Variants in RPS5 observed in about 807,000 individuals in gnomAD.
RPS5 encodes ribosomal protein S5, also known as small ribosomal subunit protein uS7.
RPS5 carries 2 observed loss-of-function variants against 20.9 expected under a neutral mutation model. That is an observed-to-expected ratio of 0.10 (90% CI 0.04 to 0.30). The LOEUF (loss-of-function observed/expected upper bound fraction) is 0.30, where lower values mean the gene tolerates loss of function less well. Ranked by LOEUF, RPS5 falls within the 10% of genes least tolerant of loss-of-function variation. The pLI, the probability that RPS5 is intolerant of heterozygous loss-of-function variation, is 1.00. For missense variants in RPS5, 122 were observed against 287.2 expected (o/e 0.42, Z 4.16); for synonymous variants, 112 against 105.8 (o/e 1.06, Z -0.36).
At chr19:58,389,259 C>CT (rs939781269) in intron 2 of RPS5, among the ~76,000 whole-genome samples, 13 of 151,428 alleles carry the variant, frequency 8.6e-5, no homozygotes, top group Admixed American at 1.3e-4. Context: ...CTTTCCTCCT[C>CT]TTTTTTTTTA....
intron 3 of RPS5, 22 bp from the exon 4 acceptor site, chr19:58,393,337 C>G: frequency 1.2e-6 from 2 of 1,612,072 alleles, no homozygotes; most frequent in Non-Finnish European, 1.7e-6. Context: ...GGATGTCAGG[C>G]TCATATCCCC....
chr19:58,388,962 A>G (rs1568573290), intron 2 of RPS5, among the ~76,000 whole-genome samples: 3 of 152,176 alleles, frequency 2.0e-5, no homozygotes, highest in East Asian at 3.9e-4. Context: ...ACTTTCAGTT[A>G]TATTCCACTG....
intron 2 of RPS5, among the ~76,000 whole-genome samples, chr19:58,391,701 G>A (rs532792750): frequency 1.3e-5 from 2 of 151,366 alleles, no homozygotes; most frequent in East Asian, 2.0e-4. Context: ...TGAGGCGGAC[G>A]GATCACCTGA....
At chr19:58,388,087 C>A in intron 1 of RPS5, 50 bp from the exon 2 acceptor site, 1 of 1,333,554 alleles carries the variant, frequency 7.5e-7, no homozygotes, top group Non-Finnish European at 1.1e-6. Flanking sequence ...CGCCTTTGCT[C>A]CATGCTAGCT....
intron 2 of RPS5, among the ~76,000 whole-genome samples, chr19:58,391,401 C>T (rs1178168496): frequency 7.3e-6 from 1 of 136,632 alleles, no homozygotes; most frequent in East Asian, 2.1e-4. Flanking sequence ...CATTGCACTC[C>T]AGCCTGGCCA....
At chr19:58,388,308 C>T in intron 2 of RPS5, 63 bp downstream of exon 2, 1 of 1,155,400 alleles carries the variant, frequency 8.7e-7, no homozygotes, top group Non-Finnish European at 1.3e-6. Context: ...GGAAGGCACA[C>T]ATCAAACTTG....
At chr19:58,389,377 A>C (rs996675268) in intron 2 of RPS5, among the ~76,000 whole-genome samples, 6 of 151,582 alleles carry the variant, frequency 4.0e-5, no homozygotes, top group Non-Finnish European at 7.4e-5. Context: ...GGCTCAGGGG[A>C]TCTTCCTGTC....
intron 2 of RPS5, among the ~76,000 whole-genome samples, chr19:58,392,731 T>C (rs2052371764): frequency 6.6e-6 from 1 of 152,058 alleles, no homozygotes; most frequent in South Asian, 2.1e-4. Context: ...CTAGTCTCCT[T>C]AGATTCCCAC....
intron 4 of RPS5, 32 bp from the exon 5 acceptor site, chr19:58,394,465 T>C: frequency 6.2e-7 from 1 of 1,600,516 alleles, no homozygotes; most frequent in Non-Finnish European, 8.6e-7. Context: ...CCGCAGTCTG[T>C]CCTTCTAGCC....
At chr19:58,388,008 T>A in intron 1 of RPS5, 129 bp from the exon 2 acceptor site, 1 of 636,980 alleles carries the variant, frequency 1.6e-6, no homozygotes, top group East Asian at 2.8e-5. Context: ...GTTCACGGCC[T>A]TTCTTGGTCC....
chr19:58,388,164 A>T lies in RPS5; in HGVS notation c.27A>T (p.Pro9=). The part of the protein sequence containing the change: MTEWETAA[P]AVAETPDIKL... ...TGACCGAGTGGGAGACAGCAGCACC[A>T]GCGGTGGCAGAGACCCCAGACATCA... Residue 9 remains proline, a synonymous_variant, in exon 2 of 6, where the codon CCA becomes CCT. Coordinates refer to ENST00000196551, the MANE Select transcript of RPS5 (RefSeq NM_001009.4). The T allele has an allele frequency of 6.2e-7, 1 of 1,612,886 alleles. No homozygotes were observed. Among genetic ancestry groups the T allele is most frequent in the South Asian group, 1.1e-5 (1 of 90,914 alleles).
At chr19:58,388,540 G>T (rs1455247862) in intron 2 of RPS5, 4 of 484,996 alleles carry the variant, frequency 8.2e-6, no homozygotes, top group Non-Finnish European at 1.5e-5. Flanking sequence ...TCTTTTGCAT[G>T]TGAATATCCA....
At chr19:58,387,533 G>A (rs1203135926) in intron 1 of RPS5, 194 bp downstream of exon 1, 1 of 152,234 alleles carries the variant, frequency 6.6e-6, no homozygotes, top group African/African-American at 2.4e-5. Context: ...TCCCCATAGC[G>A]GGGCTTGGGG....
At chr19:58,392,280 C>T (rs962861093) in intron 2 of RPS5, among the ~76,000 whole-genome samples, 15 of 151,790 alleles carry the variant, frequency 9.9e-5, no homozygotes, top group African/African-American at 3.4e-4. Flanking sequence ...GCCGAGGTTG[C>T]GCCACTGCAC....
chr19:58,388,074 G>A, intron 1 of RPS5, 63 bp from the exon 2 acceptor site: 2 of 1,135,068 alleles, frequency 1.8e-6, no homozygotes, highest in Non-Finnish European at 2.6e-6. Context: ...TTGGGAATGA[G>A]TGCGCCTTTG....
intron 2 of RPS5, 148 bp from the exon 3 acceptor site, chr19:58,392,828 C>T (rs1378651135): frequency 2.9e-6 from 2 of 685,692 alleles, no homozygotes; most frequent in Admixed American, 5.4e-5. Flanking sequence ...ATGGGGCTTA[C>T]ATCCAAGTCC....
At chr19:58,388,518 A>G (rs1312085617) in intron 2 of RPS5, 7 of 514,806 alleles carry the variant, frequency 1.4e-5, no homozygotes, top group Admixed American at 3.7e-5. Flanking sequence ...AATACATAAC[A>G]TCCAGTGTCA....
chr19:58,388,296 C>T (rs1437425127), intron 2 of RPS5, 51 bp downstream of exon 2: 9 of 1,252,964 alleles, frequency 7.2e-6, no homozygotes, highest in Non-Finnish European at 1.0e-5. Context: ...GACATTATTC[C>T]AGGAAGGCAC....
chr19:58,388,213 G>A lies in RPS5; in HGVS notation c.76G>A (p.Asp26Asn). The A allele has an allele frequency of 1.9e-6, 3 of 1,612,778 alleles. No homozygotes were observed. Among genetic ancestry groups the A allele is most frequent in the Non-Finnish European group, 2.5e-6 (3 of 1,179,518 alleles). The change falls in exon 2 of 6, where the codon GAT (aspartate) becomes AAT (asparagine). Residue 26 changes from aspartate (D) to asparagine (N), a missense_variant. Transcript: ENST00000196551. ...CAAGCTCTTTGGGAAGTGGAGCACC[G>A]ATGATGTGCAGATCAATGACATTTC... ...DIKLFGKWSTDDVQINDISLQ... is the reference protein window; with the variant it reads ...DIKLFGKWSTNDVQINDISLQ...
Sources: allele counts gnomAD v4.1 joint callset (sites outside exome capture counted in the v4.1 genomes callset), GRCh38; gene constraint gnomAD v4.1.1; transcripts MANE v1.5; gene names NCBI Gene and HGNC (gene_info 2026-07-23, HGNC 2026-07-21).